The following ZBTB16 variants were observed in gnomAD, a reference collection of about 807,000 sequenced individuals.
ZBTB16 encodes zinc finger and BTB domain containing 16, also known as zinc finger and BTB domain-containing protein 16.
ZBTB16 carries 8 observed loss-of-function variants against 56.8 expected under a neutral mutation model. The observed-to-expected ratio is 0.14, with a 90% CI of 0.08 to 0.25. The LOEUF (loss-of-function observed/expected upper bound fraction) is 0.25. Ranked by LOEUF, ZBTB16 falls within the 10% of genes least tolerant of loss-of-function variation. ZBTB16 has a pLI of 1.00. For missense variants in ZBTB16, 625 were observed against 903.0 expected (o/e 0.69, Z 3.95); for synonymous variants, 363 against 368.5 (o/e 0.98, Z 0.17).
intron 4 of ZBTB16, among the ~76,000 whole-genome samples, chr11:114,198,440 G>C (rs960645001): frequency 1.3e-5 from 2 of 152,122 alleles, no homozygotes; most frequent in Non-Finnish European, 2.9e-5. Flanking sequence ...GCTGCTTGCT[G>C]TAGAGTAGGG....
chr11:114,200,104 G>A (rs1353387560), intron 4 of ZBTB16, among the ~76,000 whole-genome samples: 3 of 151,320 alleles, frequency 2.0e-5, no homozygotes, highest in African/African-American at 7.3e-5. Flanking sequence ...CTCCAGCCTG[G>A]GGGACAGAGC....
In ZBTB16 at chr11:114,147,427, G is replaced by T. The variant is rs140070624; in HGVS notation, c.1269-8910G>T. Among the ~76,000 whole-genome samples the T allele has an allele frequency of 4.3e-3, 655 of 152,242 alleles. 5 individuals are homozygous for T. The highest frequency in any genetic ancestry group is 0.014 in the African/African-American group (598 of 41,506). ...TTCCCAGAAATCGGTTATTTGTGCT[G>T]GTTAAAAGCCTTGTACGGGAGAGGG... On this transcript the variant is annotated intron_variant, in intron 2 of 6. Transcript: ENST00000335953.
At chr11:114,122,018 T>G (rs1941360219) in intron 2 of ZBTB16, 1 of 314,670 alleles carries the variant, frequency 3.2e-6, no homozygotes, top group Admixed American at 4.8e-5. Context: ...TCATAGACAC[T>G]GAGTTTGCCT....
At chr11:114,172,054 T>C (rs1435443931) in intron 3 of ZBTB16, among the ~76,000 whole-genome samples, 2 of 152,192 alleles carry the variant, frequency 1.3e-5, no homozygotes, top group Non-Finnish European at 2.9e-5. Context: ...TTTCCAGGCC[T>C]TGGACGTGCC....
rs937732288 is a variant in ZBTB16 at position 114,252,506 on chromosome 11, TCCTC to T, written c.*1956_*1959del. On this transcript the variant is annotated 3_prime_UTR_variant, in exon 7 of 7. Transcript: ENST00000335953. ...TTCCCGCCTCCCATTCTGCTGCTCTTCCTCCCTCTTTTCCCCAACCTCCCCCGAC... is the reference window on the plus strand; with the variant it reads ...TTCCCGCCTCCCATTCTGCTGCTCTTCCTCTTTTCCCCAACCTCCCCCGAC... Among the ~76,000 whole-genome samples, 1 of 152,128 alleles carries T rather than the reference TCCTC, an allele frequency of 6.6e-6. No individual in the cohort carries two copies. The highest frequency in any genetic ancestry group is 2.4e-5 in the African/African-American group (1 of 41,400).
Position 114,254,059 on chromosome 11 carries a change from T to C in ZBTB16, c.*3504T>C, listed in dbSNP as rs937779567. ...CTTTCCCATGTCCAGCTCCTACAAA[T>C]ATGTCCCTTAATGCATTTGGTGACA... On this transcript the variant is annotated 3_prime_UTR_variant, in exon 7 of 7. Transcript: ENST00000335953. 1.5e-4 allele frequency among the ~76,000 whole-genome samples: 22 copies of C among 147,298 alleles called. No individual in the cohort carries two copies. Among genetic ancestry groups the C allele is most frequent in the African/African-American group, 5.6e-4 (22 of 39,526 alleles).
intron 2 of ZBTB16, among the ~76,000 whole-genome samples, chr11:114,154,218 G>A (rs1942347784): frequency 6.6e-6 from 1 of 152,188 alleles, no homozygotes; most frequent in Non-Finnish European, 1.5e-5. Flanking sequence ...TCACTCTAGT[G>A]TCCCTTTGGA....
At chr11:114,248,276 C>T (rs1323854008) in intron 6 of ZBTB16, among the ~76,000 whole-genome samples, 1 of 152,216 alleles carries the variant, frequency 6.6e-6, no homozygotes, top group Non-Finnish European at 1.5e-5. Flanking sequence ...AGTGAAGGGT[C>T]TTCCACAGTT....
At chr11:114,210,196 T>TGC (rs1555155995) in intron 4 of ZBTB16, among the ~76,000 whole-genome samples, 70 of 151,272 alleles carry the variant, frequency 4.6e-4, no homozygotes, top group Non-Finnish European at 8.4e-4. Flanking sequence ...TGTGTGTGCG[T>TGC]GCGCGCGCGT....
intron 4 of ZBTB16, among the ~76,000 whole-genome samples, chr11:114,240,053 C>T (rs1944671044): frequency 6.6e-6 from 1 of 152,188 alleles, no homozygotes; most frequent in Non-Finnish European, 1.5e-5. Context: ...GATTCGCTCC[C>T]CTTCCTTCCT....
chr11:114,237,270 C>G (rs1292551457), intron 4 of ZBTB16: 2 of 152,234 alleles, frequency 1.3e-5, no homozygotes, highest in Non-Finnish European at 2.9e-5. Context: ...ATTCGATGTT[C>G]TTGATAACCA....
rs1228458839 is a variant in ZBTB16 at position 114,255,032 on chromosome 11, G to A, written c.*4477G>A. ...GTGTATCATAGGATTTGTTCACATA[G>A]TGTTATGCATGATCTTCGTAAGGTT... On this transcript the variant is annotated 3_prime_UTR_variant, in exon 7 of 7. Transcript: ENST00000335953. Among the ~76,000 whole-genome samples, 2 of 152,172 alleles carry A rather than the reference G, an allele frequency of 1.3e-5. No homozygotes were observed. Among genetic ancestry groups the A allele is most frequent in the South Asian group, 2.1e-4 (1 of 4,830 alleles).
rs79454496 is a variant in ZBTB16 at position 114,095,552 on chromosome 11, G to T, written c.1268+30984G>T. 2.7e-3 allele frequency among the ~76,000 whole-genome samples: 411 copies of T among 152,250 alleles called. 1 individual carries two copies. The highest frequency in any genetic ancestry group is 9.0e-3 in the African/African-American group (372 of 41,534). On this transcript the variant is annotated intron_variant, in intron 2 of 6. Coordinates refer to ENST00000335953, the MANE Select transcript of ZBTB16 (RefSeq NM_006006.6). ...TGGGATTACAGGCGTGAGCCACCAC[G>T]CCCGGCCACCAATTTCTTATACATA...
intron 2 of ZBTB16, among the ~76,000 whole-genome samples, chr11:114,119,533 A>G (rs1208541774): frequency 1.3e-5 from 2 of 152,126 alleles, no homozygotes; most frequent in Middle Eastern, 3.2e-3. Context: ...AACTGGAAAG[A>G]GAAAGTACGA....
intron 3 of ZBTB16, among the ~76,000 whole-genome samples, chr11:114,183,897 G>A (rs1441201943): frequency 6.6e-6 from 1 of 152,186 alleles, no homozygotes; most frequent in Admixed American, 6.5e-5. Context: ...TGTCACTGGG[G>A]GCTAGAAGTT....
chr11:114,242,146 C>G, intron 4 of ZBTB16, 21 bp from the exon 5 acceptor site: 1 of 1,613,356 alleles, frequency 6.2e-7, no homozygotes, highest in East Asian at 2.2e-5. Flanking sequence ...TCTGAGGCAC[C>G]CCCTCTCCTG....
chr11:114,112,053 G>A (rs1019686127), intron 2 of ZBTB16, among the ~76,000 whole-genome samples: 34 of 152,172 alleles, frequency 2.2e-4, no homozygotes, highest in African/African-American at 8.2e-4. Context: ...GTAAAAGGTT[G>A]TAAATAAAAC....
chr11:114,195,879 C>G (rs1943595597), intron 4 of ZBTB16, among the ~76,000 whole-genome samples: 1 of 152,142 alleles, frequency 6.6e-6, no homozygotes, highest in African/African-American at 2.4e-5. Context: ...ACAGTATACA[C>G]CTGCTTTGCA....
intron 4 of ZBTB16, among the ~76,000 whole-genome samples, chr11:114,238,149 C>T (rs555539724): frequency 2.0e-5 from 3 of 152,220 alleles, no homozygotes; most frequent in Non-Finnish European, 2.9e-5. Flanking sequence ...TTCTCTCTCC[C>T]TTTGCCCTGG....
Sources: allele counts gnomAD v4.1 joint callset (sites outside exome capture counted in the v4.1 genomes callset), GRCh38; gene constraint gnomAD v4.1.1; transcripts MANE v1.5; gene names NCBI Gene and HGNC (gene_info 2026-07-23, HGNC 2026-07-21).